The following PRICKLE1 variants were observed in gnomAD, a reference collection of about 807,000 sequenced individuals.
The protein encoded by PRICKLE1 is prickle-like protein 1.
PRICKLE1 carries 14 observed loss-of-function variants against 70.2 expected under a neutral mutation model. That is an observed-to-expected ratio of 0.20 (90% confidence interval 0.13 to 0.31). The LOEUF (loss-of-function observed/expected upper bound fraction) is 0.31. Among genes scored for constraint, PRICKLE1 ranks in the 10% least tolerant of loss-of-function variants. PRICKLE1 has a pLI of 1.00. For missense variants in PRICKLE1, 821 were observed against 1,026.2 expected (o/e 0.80, Z 2.73); for synonymous variants, 357 against 379.9 (o/e 0.94, Z 0.70).
chr12:42,561,012 T>C (rs78142426), intron 1 of PRICKLE1, among the ~76,000 whole-genome samples: 11,761 of 152,246 alleles, frequency 0.077, 489 homozygotes, highest in Non-Finnish European at 0.092. Context: ...GAGGCATTTG[T>C]CACAATTCCA....
intron 1 of PRICKLE1, among the ~76,000 whole-genome samples, chr12:42,518,074 T>C (rs377597210): frequency 1.3e-5 from 2 of 151,804 alleles, no homozygotes; most frequent in East Asian, 3.9e-4. Flanking sequence ...AAAAGTTGGT[T>C]AAATTAAGAA....
chr12:42,476,812 T>C (rs1452234554), intron 1 of PRICKLE1, among the ~76,000 whole-genome samples: 2 of 151,448 alleles, frequency 1.3e-5, no homozygotes, highest in African/African-American at 2.4e-5. Context: ...CACACCAAAG[T>C]TTTTTGTTTT....
intron 1 of PRICKLE1, among the ~76,000 whole-genome samples, chr12:42,572,420 G>C (rs1940731978): frequency 6.6e-6 from 1 of 150,438 alleles, no homozygotes; most frequent in South Asian, 2.1e-4. Context: ...TGGGTGACAA[G>C]AGCAAAACTC....
chr12:42,586,935 C>T (rs543221376), intron 1 of PRICKLE1, among the ~76,000 whole-genome samples: 2 of 152,180 alleles, frequency 1.3e-5, no homozygotes, highest in Non-Finnish European at 2.9e-5. Flanking sequence ...CTAGACTTAC[C>T]TACATCTGAC....
At chr12:42,466,092 A>T in intron 6 of PRICKLE1, 102 bp downstream of exon 6, 1 of 1,228,726 alleles carries the variant, frequency 8.1e-7, no homozygotes, top group Non-Finnish European at 1.2e-6. Context: ...TATGTAAATT[A>T]TATCTCAACT....
chr12:42,468,886 G>A (rs891549698), intron 4 of PRICKLE1, 57 bp from the exon 5 acceptor site: 4 of 1,529,434 alleles, frequency 2.6e-6, no homozygotes, highest in Non-Finnish European at 3.6e-6. Context: ...AGGATTCTCA[G>A]GCTTTCCTAC....
chr12:42,534,253 G>A (rs1419361160), intron 1 of PRICKLE1, among the ~76,000 whole-genome samples: 2 of 152,122 alleles, frequency 1.3e-5, no homozygotes, highest in African/African-American at 2.4e-5. Context: ...CACTGAAGAT[G>A]AGCCCTTAGA....
intron 1 of PRICKLE1, among the ~76,000 whole-genome samples, chr12:42,488,954 G>A (rs147162250): frequency 0.039 from 5,064 of 131,448 alleles, 310 homozygotes; most frequent in African/African-American, 0.14. Context: ...ACAGAGTTTC[G>A]CTCTTGTTGC....
intron 1 of PRICKLE1, among the ~76,000 whole-genome samples, chr12:42,533,486 C>T (rs1415042592): frequency 1.3e-5 from 2 of 152,180 alleles, no homozygotes; most frequent in African/African-American, 2.4e-5. Context: ...CTAACATTTG[C>T]TCCTTAAAAG....
intron 1 of PRICKLE1, among the ~76,000 whole-genome samples, chr12:42,577,444 A>C (rs1042795982): frequency 6.6e-6 from 1 of 152,170 alleles, no homozygotes; most frequent in Non-Finnish European, 1.5e-5. Flanking sequence ...AATAATAAAT[A>C]AGGCTATAAG....
intron 1 of PRICKLE1, among the ~76,000 whole-genome samples, chr12:42,536,580 C>G (rs1423963546): frequency 6.6e-6 from 1 of 152,176 alleles, no homozygotes; most frequent in Non-Finnish European, 1.5e-5. Flanking sequence ...TCCCAGTCTT[C>G]AGACCTGGAC....
At chr12:42,468,519 CA>C in intron 5 of PRICKLE1, 106 bp downstream of exon 5, 1 of 1,001,884 alleles carries the variant, frequency 1.0e-6, no homozygotes, top group Non-Finnish European at 1.6e-6. Flanking sequence ...AACATGCACA[CA>C]GAACAAAATC....
In PRICKLE1 at chr12:42,464,677, T is replaced by A; in HGVS notation, c.1357A>T (p.Thr453Ser). ...CTCTGGTTATTTTGCTTTAACTCGG[T>A]CTTACTTTTAACCATGTTATCAGAT... ...WISDNMVKSK[T>S]ELKQNNQSLA... The change falls in exon 7 of 8, where the codon ACC becomes TCC. Residue 453 changes from threonine (T) to serine (S), a missense_variant. Coordinates refer to ENST00000345127, the MANE Select transcript of PRICKLE1 (RefSeq NM_153026.3). This position sits in a 1 kb window ranked among gnomAD's most constrained non-coding sequence, Gnocchi z 4.2. 6.2e-7 allele frequency: 1 copy of A among 1,614,068 alleles called. No homozygotes were observed. The highest frequency in any genetic ancestry group is 8.5e-7 in the Non-Finnish European group (1 of 1,180,004).
intron 6 of PRICKLE1, 135 bp downstream of exon 6, chr12:42,466,059 T>G: frequency 2.1e-6 from 2 of 956,444 alleles, no homozygotes; most frequent in Non-Finnish European, 1.6e-6. Context: ...AGCTGGAACA[T>G]TTAAGATCTG....
At chr12:42,500,053 G>A (rs995799520) in intron 1 of PRICKLE1, among the ~76,000 whole-genome samples, 11 of 151,534 alleles carry the variant, frequency 7.3e-5, no homozygotes, top group African/African-American at 2.4e-4. Context: ...GCCCATCCAC[G>A]GCCTAGAAAT....
chr12:42,538,271 ACCTATCAAGTTGCT>A (rs1197382270), intron 1 of PRICKLE1, among the ~76,000 whole-genome samples: 1 of 152,190 alleles, frequency 6.6e-6, no homozygotes. Context: ...TTCACTAGCT[ACCTATCAAGTTGCT>A]CAACAGCTAG....
At chr12:42,496,677 G>A (rs998086605) in intron 1 of PRICKLE1, among the ~76,000 whole-genome samples, 64 of 152,016 alleles carry the variant, frequency 4.2e-4, no homozygotes, top group African/African-American at 1.5e-3. Context: ...ATCACCACTC[G>A]CTACTTCACC....
chr12:42,575,715 T>A (rs1297350080), intron 1 of PRICKLE1, among the ~76,000 whole-genome samples: 2 of 151,318 alleles, frequency 1.3e-5, no homozygotes, highest in South Asian at 2.1e-4. Context: ...AAAAAAAAAA[T>A]AAAAAACTTG....
In PRICKLE1 at chr12:42,470,284, T is replaced by C; in HGVS notation, c.208A>G (p.Lys70Glu). 6.2e-7 allele frequency: 1 copy of C among 1,614,128 alleles called. No homozygotes were observed. Among genetic ancestry groups the C allele is most frequent in the Non-Finnish European group, 8.5e-7 (1 of 1,179,950 alleles). Residue 70 changes from lysine to glutamate, a missense_variant, in exon 3 of 8, where the codon AAA becomes GAA. Physicochemically the swap from Lys to Glu is moderately conservative, Grantham distance 56. Coordinates refer to ENST00000345127, the MANE Select transcript of PRICKLE1 (RefSeq NM_153026.3). Reference sequence around the variant, plus strand: ...GGTGGTAACTGGTACAAAAGCTGTTTAATCCGATGCTTCTCTCCGGGGCTG... The same window carrying C: ...GGTGGTAACTGGTACAAAAGCTGTTCAATCCGATGCTTCTCTCCGGGGCTG... ...VNSPGEKHRI[K>E]QLLYQLPPHD...
Sources: allele counts gnomAD v4.1 joint callset (sites outside exome capture counted in the v4.1 genomes callset), GRCh38; gene constraint gnomAD v4.1.1; non-coding constraint Gnocchi (gnomAD v3.1); transcripts MANE v1.5; gene names NCBI Gene and HGNC (gene_info 2026-07-23, HGNC 2026-07-21).